Variants in TSPEAR observed in about 807,000 individuals in gnomAD.
TSPEAR encodes the protein thrombospondin-type laminin G domain and EAR repeat-containing protein.
A neutral mutation model predicts 71.6 loss-of-function variants in TSPEAR; 69 were observed. The ratio of observed to expected loss-of-function variants is 0.96; its 90% confidence interval spans 0.79 to 1.18. TSPEAR has a LOEUF of 1.18. TSPEAR is among the 50% of genes most tolerant of loss of function. TSPEAR has a pLI of 0.00. For synonymous variants in TSPEAR, 402 were observed against 387.2 expected (o/e 1.04, Z -0.45); for missense variants, 971 against 894.9 (o/e 1.09, Z -1.09).
At chr21:44,591,988 G>A (rs1555926745) in intron 1 of TSPEAR, 2 of 1,596,316 alleles carry the variant, frequency 1.3e-6, no homozygotes, top group Non-Finnish European at 1.7e-6. Context: ...GGAAATCCCA[G>A]AGCAGACAGG....
chr21:44,686,933 T>C (rs1407758048), intron 1 of TSPEAR, among the ~76,000 whole-genome samples: 3 of 152,230 alleles, frequency 2.0e-5, no homozygotes, highest in African/African-American at 7.2e-5. Context: ...CCTTGGTCAC[T>C]GCTCAGAGGT....
chr21:44,663,700 A>G (rs1028446397), intron 1 of TSPEAR, among the ~76,000 whole-genome samples: 3 of 152,118 alleles, frequency 2.0e-5, no homozygotes, highest in Non-Finnish European at 2.9e-5. Context: ...TTATGAATAT[A>G]GATGCAAAAT....
chr21:44,676,915 T>C (rs1392596318), intron 1 of TSPEAR: 4 of 888,936 alleles, frequency 4.5e-6, no homozygotes, highest in Non-Finnish European at 7.7e-6. Flanking sequence ...GATGTGACGA[T>C]GTGCACGGGC....
At position 44,525,757 on chromosome 21, in the gene TSPEAR, A is replaced by C; in HGVS notation, c.1232T>G (p.Leu411Arg). 1 of 1,614,154 alleles carries C rather than the reference A, an allele frequency of 6.2e-7. No homozygotes were observed. Among genetic ancestry groups the C allele is most frequent in the Non-Finnish European group, 8.5e-7 (1 of 1,180,036 alleles). ...AATGCTCTGATATGGGGTAAACTTC[A>C]GCTTTCTGTGGCTCCATTTGTAAAT... The part of the protein sequence containing the change: ...SVIYKWSHRK[L>R]KFTPYQSIAT... The change falls in exon 8 of 12, where the codon CTG (leucine) becomes CGG (arginine). Residue 411 changes from leucine to arginine, a missense_variant. By Grantham distance (102) the Leu-to-Arg change is moderately radical. Coordinates refer to ENST00000323084, the MANE Select transcript of TSPEAR (RefSeq NM_144991.3).
At chr21:44,567,343 C>T (rs763477522) in intron 2 of TSPEAR, among the ~76,000 whole-genome samples, 2 of 121,268 alleles carry the variant, frequency 1.6e-5, no homozygotes, top group Non-Finnish European at 4.1e-5. Context: ...TCCCAGAAAC[C>T]GTGGGGAAGG....
At chr21:44,703,866 C>T (rs1489939258) in intron 1 of TSPEAR, among the ~76,000 whole-genome samples, 8 of 152,268 alleles carry the variant, frequency 5.3e-5, no homozygotes, top group Admixed American at 5.2e-4. Flanking sequence ...CTGTCCCCTC[C>T]ACACCACACC....
At chr21:44,605,938 A>G (rs1981276007) in intron 1 of TSPEAR, among the ~76,000 whole-genome samples, 1 of 152,144 alleles carries the variant, frequency 6.6e-6, no homozygotes, top group Non-Finnish European at 1.5e-5. Context: ...AACAAAATAA[A>G]ACATAGACAA....
At chr21:44,607,376 CA>C (rs1387419598) in intron 1 of TSPEAR, among the ~76,000 whole-genome samples, 1 of 152,224 alleles carries the variant, frequency 6.6e-6, no homozygotes, top group African/African-American at 2.4e-5. Flanking sequence ...AATCTTTCTA[CA>C]ATGCATGCAC....
At chr21:44,505,554 A>ACCCCCCCCCCCCCCCCCCCCACCCCCCC (rs1555911793) in intron 10 of TSPEAR, among the ~76,000 whole-genome samples, 1 of 7,032 alleles carries the variant, frequency 1.4e-4, no homozygotes, top group Non-Finnish European at 4.1e-4. Context: ...AGTAAACATC[A>ACCCCCCCCCCCCCCCCCCCCACCCCCCC]CCCCCTCCCC....
intron 1 of TSPEAR, among the ~76,000 whole-genome samples, chr21:44,631,420 A>G (rs1045055686): frequency 9.2e-5 from 14 of 152,220 alleles, no homozygotes; most frequent in African/African-American, 3.4e-4. Context: ...TCTGAAGGGC[A>G]TAAAAACAAA....
At chr21:44,615,014 A>G (rs1555932107) in intron 1 of TSPEAR, among the ~76,000 whole-genome samples, 1 of 152,140 alleles carries the variant, frequency 6.6e-6, no homozygotes, top group Non-Finnish European at 1.5e-5. Context: ...CCCATCGCTC[A>G]CCGGACGTGG....
chr21:44,548,569 A>G (rs1486966579), intron 2 of TSPEAR, among the ~76,000 whole-genome samples: 1 of 152,200 alleles, frequency 6.6e-6, no homozygotes, highest in Non-Finnish European at 1.5e-5. Flanking sequence ...CGTGAACATG[A>G]GTGCAGATGG....
At chr21:44,567,507 G>A (rs781955886) in intron 2 of TSPEAR, among the ~76,000 whole-genome samples, 3 of 152,112 alleles carry the variant, frequency 2.0e-5, no homozygotes, top group Non-Finnish European at 1.5e-5. Context: ...TATTGTTAGC[G>A]CTTCCTGCCA....
At chr21:44,524,533 A>C (rs1555914686) in intron 8 of TSPEAR, among the ~76,000 whole-genome samples, 1 of 151,708 alleles carries the variant, frequency 6.6e-6, no homozygotes, top group Non-Finnish European at 1.5e-5. Flanking sequence ...TCAGACAAGT[A>C]GTCAGTAAGG....
chr21:44,538,088 C>G (rs1188885032), intron 2 of TSPEAR, among the ~76,000 whole-genome samples: 1 of 152,214 alleles, frequency 6.6e-6, no homozygotes, highest in Non-Finnish European at 1.5e-5. Context: ...CCATGTCCAT[C>G]AGGCTGCGGC....
chr21:44,588,736 G>A (rs28884815), intron 1 of TSPEAR, among the ~76,000 whole-genome samples: 203 of 55,680 alleles, frequency 3.6e-3, no homozygotes, highest in Admixed American at 9.8e-3. Flanking sequence ...GTGTATATAT[G>A]TATATATATG....
chr21:44,558,446 G>A (rs1555920357), intron 2 of TSPEAR: 3 of 1,613,964 alleles, frequency 1.9e-6, no homozygotes, highest in South Asian at 1.1e-5. Flanking sequence ...GGGAGGATGT[G>A]CAGCAAGCTG....
intron 1 of TSPEAR, among the ~76,000 whole-genome samples, chr21:44,634,642 G>A (rs1270789490): frequency 6.6e-6 from 1 of 152,036 alleles, no homozygotes. Context: ...ACAACAAAAA[G>A]TCAACCCAAT....
chr21:44,581,030 T>C (rs1290407054), intron 1 of TSPEAR, among the ~76,000 whole-genome samples: 1 of 152,152 alleles, frequency 6.6e-6, no homozygotes, highest in Non-Finnish European at 1.5e-5. Context: ...TATAAATAGG[T>C]AGAAAAATAT....
Sources: gnomAD v4.1 joint callset for allele counts (sites outside exome capture counted in the v4.1 genomes callset) on GRCh38, gnomAD v4.1.1 for gene constraint, MANE v1.5 for transcripts, NCBI Gene and HGNC (gene_info 2026-07-23, HGNC 2026-07-21) for gene names.